GRID2: variants seen among roughly 807,000 people sequenced by gnomAD.
GRID2 encodes the protein glutamate receptor ionotropic, delta-2.
Under a neutral mutation model 114.8 loss-of-function variants are expected in GRID2, and 33 were observed. That is an observed-to-expected ratio of 0.29 (90% CI 0.22 to 0.38). The LOEUF (loss-of-function observed/expected upper bound fraction) is 0.38. Among genes scored for constraint, GRID2 ranks in the 10% least tolerant of loss-of-function variants. GRID2 has a pLI of 1.00. For synonymous variants in GRID2, 505 were observed against 449.9 expected (o/e 1.12, Z -1.55); for missense variants, 1,184 against 1,257.7 (o/e 0.94, Z 0.89).
Position 93,069,306 on chromosome 4 carries a change from G to A in GRID2, c.245-15689G>A, listed in dbSNP as rs916702386. Among the ~76,000 whole-genome samples the A allele has an allele frequency of 7.3e-5, 11 of 151,596 alleles. No homozygotes were observed. The Admixed American group carries it at 7.3e-4, about 10-fold the overall frequency. On this transcript the variant is annotated intron_variant, in intron 2 of 15. Coordinates refer to ENST00000282020, the MANE Select transcript of GRID2 (RefSeq NM_001510.4). ...TGCGTGTATGTATATATATATGCAT[G>A]TGTGTATATATATACTTAGAAGAAA... is the stretch of plus-strand genomic sequence containing the variant.
intron 2 of GRID2, among the ~76,000 whole-genome samples, chr4:92,654,633 G>T (rs2149264556): frequency 1.3e-5 from 2 of 151,796 alleles, no homozygotes; most frequent in Middle Eastern, 6.8e-3. Flanking sequence ...TTTCATTGTG[G>T]TTTTGATTTG....
At chr4:92,902,076 G>A (rs1037610103) in intron 2 of GRID2, among the ~76,000 whole-genome samples, 16 of 152,080 alleles carry the variant, frequency 1.1e-4, no homozygotes, top group African/African-American at 3.6e-4. Context: ...AGTAATTGTG[G>A]TTTTGCCATT....
At chr4:92,943,096 C>A (rs1190878402) in intron 2 of GRID2, among the ~76,000 whole-genome samples, 1 of 152,122 alleles carries the variant, frequency 6.6e-6, no homozygotes, top group Non-Finnish European at 1.5e-5. Flanking sequence ...CTCTGTACTT[C>A]CTGAATTTGA....
intron 2 of GRID2, among the ~76,000 whole-genome samples, chr4:93,030,764 GA>G (rs1280474803): frequency 2.6e-5 from 4 of 151,684 alleles, no homozygotes; most frequent in Non-Finnish European, 5.9e-5. Flanking sequence ...TTTATAAAAT[GA>G]AAAAACTTTA....
At chr4:93,347,088 A>G (rs2149255032) in intron 8 of GRID2, among the ~76,000 whole-genome samples, 1 of 152,116 alleles carries the variant, frequency 6.6e-6, no homozygotes, top group African/African-American at 2.4e-5. Context: ...CTGGCTTTGC[A>G]GACCCTTCAC....
intron 9 of GRID2, among the ~76,000 whole-genome samples, chr4:93,398,091 T>C (rs1283367659): frequency 7.3e-6 from 1 of 137,560 alleles, no homozygotes; most frequent in Non-Finnish European, 1.5e-5. Flanking sequence ...AAGAGGAAAC[T>C]GAGACATCCA....
At chr4:93,433,625 C>T (rs1283130248) in intron 10 of GRID2, among the ~76,000 whole-genome samples, 2 of 152,182 alleles carry the variant, frequency 1.3e-5, no homozygotes, top group South Asian at 2.1e-4. Context: ...CTCCTGTGCT[C>T]ATCCCCACTC....
At chr4:92,772,854 A>G (rs1446174113) in intron 2 of GRID2, among the ~76,000 whole-genome samples, 1 of 152,180 alleles carries the variant, frequency 6.6e-6, no homozygotes, top group African/African-American at 2.4e-5. Flanking sequence ...ACTTATGCAT[A>G]CACATCAATT....
intron 1 of GRID2, among the ~76,000 whole-genome samples, chr4:92,350,524 T>A (rs1728011914): frequency 6.6e-6 from 1 of 151,828 alleles, no homozygotes; most frequent in Non-Finnish European, 1.5e-5. Flanking sequence ...GTATATTGAA[T>A]CTTGCTTGCC....
At chr4:92,389,468 T>C (rs1172063404) in intron 1 of GRID2, among the ~76,000 whole-genome samples, 1 of 152,040 alleles carries the variant, frequency 6.6e-6, no homozygotes, top group Non-Finnish European at 1.5e-5. Context: ...GAAGTAACCA[T>C]TAAAACTTTT....
intron 11 of GRID2, among the ~76,000 whole-genome samples, chr4:93,475,513 G>A (rs553807772): frequency 6.6e-6 from 1 of 152,092 alleles, no homozygotes; most frequent in African/African-American, 2.4e-5. Flanking sequence ...ATGACATTTT[G>A]GAGGCTTAAA....
intron 2 of GRID2, among the ~76,000 whole-genome samples, chr4:92,981,943 G>T (rs1372619795): frequency 6.8e-6 from 1 of 146,248 alleles, no homozygotes; most frequent in Non-Finnish European, 1.5e-5. Flanking sequence ...GTTTGCCCAG[G>T]ACAAACTGTG....
At chr4:93,578,586 T>TTTTTTTGTTTTTTTG (rs1560772852) in intron 13 of GRID2, among the ~76,000 whole-genome samples, 1 of 135,864 alleles carries the variant, frequency 7.4e-6, no homozygotes, top group African/African-American at 3.0e-5. Flanking sequence ...TTGTTTTTTG[T>TTTTTTTGTTTTTTTG]ATTTTTTTTT....
chr4:93,420,650 C>T (rs754678084), intron 9 of GRID2, among the ~76,000 whole-genome samples: 12 of 151,962 alleles, frequency 7.9e-5, no homozygotes, highest in Non-Finnish European at 1.3e-4. Context: ...TATTCATTAA[C>T]ATGAAATATT....
chr4:92,536,974 T>C (rs2149158438), intron 1 of GRID2, among the ~76,000 whole-genome samples: 1 of 152,268 alleles, frequency 6.6e-6, no homozygotes, highest in Non-Finnish European at 1.5e-5. Context: ...AAAAGAACAG[T>C]AGAATTGTAA....
At chr4:93,121,555 T>G (rs1733781761) in intron 4 of GRID2, among the ~76,000 whole-genome samples, 1 of 152,226 alleles carries the variant, frequency 6.6e-6, no homozygotes, top group Non-Finnish European at 1.5e-5. Flanking sequence ...ATTTATATAC[T>G]TCTGTTGATG....
At chr4:93,114,008 A>T (rs7661153) in intron 4 of GRID2, among the ~76,000 whole-genome samples, 24 of 151,880 alleles carry the variant, frequency 1.6e-4, no homozygotes, top group Admixed American at 1.6e-3. Flanking sequence ...TTATGGTTTA[A>T]AATTTTTAAA....
At chr4:92,550,008 A>G (rs1362253726) in intron 1 of GRID2, among the ~76,000 whole-genome samples, 2 of 152,176 alleles carry the variant, frequency 1.3e-5, no homozygotes, top group African/African-American at 4.8e-5. Context: ...TTTGAGATGC[A>G]TAATTTTCAA....
intron 2 of GRID2, among the ~76,000 whole-genome samples, chr4:92,894,400 G>T (rs1446737021): frequency 6.6e-6 from 1 of 152,094 alleles, no homozygotes; most frequent in Non-Finnish European, 1.5e-5. Context: ...GAATGGCCAG[G>T]AGGATAGACT....
Sources: gnomAD v4.1 joint callset for allele counts (sites outside exome capture counted in the v4.1 genomes callset) on GRCh38, gnomAD v4.1.1 for gene constraint, MANE v1.5 for transcripts, NCBI Gene and HGNC (gene_info 2026-07-23, HGNC 2026-07-21) for gene names.